Variants in GPATCH2 observed in about 807,000 individuals in gnomAD.
GPATCH2 encodes G-patch domain containing 2, also known as G patch domain-containing protein 2.
GPATCH2 carries 51 observed loss-of-function variants against 58.0 expected under a neutral mutation model. The observed-to-expected ratio is 0.88, with a 90% CI of 0.70 to 1.11. The LOEUF is 1.11. Among genes scored for constraint, GPATCH2 ranks in the 50% most tolerant of loss-of-function variants. The probability of loss-of-function intolerance (pLI) is 0.00; values close to 1 mark genes in which losing one functional copy is unlikely to be tolerated. For missense variants in GPATCH2, 625 were observed against 652.2 expected (o/e 0.96, Z 0.45); for synonymous variants, 222 against 218.5 (o/e 1.02, Z -0.14).
At chr1:217,525,093 T>G (rs955997859) in intron 5 of GPATCH2, among the ~76,000 whole-genome samples, 8 of 151,490 alleles carry the variant, frequency 5.3e-5, no homozygotes, top group Non-Finnish European at 1.2e-4. Flanking sequence ...TATACTCTAT[T>G]AAAAATTATT....
intron 9 of GPATCH2, among the ~76,000 whole-genome samples, chr1:217,434,490 C>T (rs1207795498): frequency 4.6e-5 from 7 of 152,084 alleles, no homozygotes; most frequent in Admixed American, 2.0e-4. Flanking sequence ...AGTGCCTTAG[C>T]GTGTTGTCTC....
At chr1:217,612,414 A>C (rs891358704) in intron 3 of GPATCH2, among the ~76,000 whole-genome samples, 2 of 152,198 alleles carry the variant, frequency 1.3e-5, no homozygotes, top group Non-Finnish European at 2.9e-5. Context: ...AAATACTCTT[A>C]AGCTTCAGTT....
chr1:217,437,692 C>G (rs1441265999), intron 9 of GPATCH2, among the ~76,000 whole-genome samples: 1 of 152,224 alleles, frequency 6.6e-6, no homozygotes, highest in East Asian at 1.9e-4. Context: ...GATTCCTCCT[C>G]TATGGGCAGG....
intron 9 of GPATCH2, among the ~76,000 whole-genome samples, chr1:217,445,625 C>T (rs265127): frequency 7.2e-5 from 11 of 151,896 alleles, no homozygotes; most frequent in South Asian, 2.1e-4. Context: ...CTTTGAATGA[C>T]GCAGAGAACA....
intron 5 of GPATCH2, among the ~76,000 whole-genome samples, chr1:217,587,389 A>G (rs1030490620): frequency 2.0e-5 from 3 of 152,170 alleles, no homozygotes; most frequent in Non-Finnish European, 4.4e-5. Flanking sequence ...ATATCCTACA[A>G]AATGACTACT....
intron 5 of GPATCH2, among the ~76,000 whole-genome samples, chr1:217,601,513 A>G (rs1290709080): frequency 6.6e-6 from 1 of 152,112 alleles, no homozygotes; most frequent in Non-Finnish European, 1.5e-5. Context: ...GCCTATCCAT[A>G]CTGACATTTA....
chr1:217,454,524 G>A (rs2102477435), intron 8 of GPATCH2, among the ~76,000 whole-genome samples: 1 of 139,078 alleles, frequency 7.2e-6, no homozygotes. Flanking sequence ...GGAAGGCAGA[G>A]CTTGCAGTGA....
intron 5 of GPATCH2, among the ~76,000 whole-genome samples, chr1:217,532,886 GTTTTT>G (rs57815648): frequency 3.5e-4 from 45 of 130,260 alleles, no homozygotes; most frequent in Non-Finnish European, 5.0e-4. Context: ...TCTTTTTTTT[GTTTTT>G]TTTTTTTTGT....
intron 5 of GPATCH2, among the ~76,000 whole-genome samples, chr1:217,584,330 T>TAAAAAAAA (rs1168175978): frequency 2.7e-4 from 24 of 89,742 alleles, no homozygotes; most frequent in African/African-American, 9.8e-4. Flanking sequence ...TCACCTCTAC[T>TAAAAAAAA]AAAAAAAAAA....
intron 5 of GPATCH2, among the ~76,000 whole-genome samples, chr1:217,542,123 T>C (rs1273170639): frequency 6.6e-6 from 1 of 152,218 alleles, no homozygotes; most frequent in African/African-American, 2.4e-5. Flanking sequence ...AATTTAAGCT[T>C]TGTTTCTTGA....
At chr1:217,471,845 T>C (rs751894694) in intron 8 of GPATCH2, among the ~76,000 whole-genome samples, 1 of 152,168 alleles carries the variant, frequency 6.6e-6, no homozygotes, top group African/African-American at 2.4e-5. Context: ...TATCAAATCA[T>C]TTGACATTAA....
At chr1:217,609,070 TAC>T in intron 5 of GPATCH2, 4 of 774,096 alleles carry the variant, frequency 5.2e-6, no homozygotes, top group Non-Finnish European at 4.7e-6. Context: ...AATATAAAAA[TAC>T]ACATATTAAA....
rs200676995 is a variant in GPATCH2 at position 217,431,167 on chromosome 1, G to A, written c.1565C>T (p.Pro522Leu). The A allele has an allele frequency of 3.9e-6, 6 of 1,550,014 alleles. No individual in the cohort carries two copies. The highest frequency in any genetic ancestry group is 1.8e-6 in the Non-Finnish European group (2 of 1,121,530). Residue 522 changes from proline to leucine, a missense_variant, in exon 10 of 10, where the codon CCC becomes CTC. Pro to Leu is a moderately conservative substitution (Grantham distance 98, BLOSUM62 -3). Transcript: ENST00000366935. Reference sequence around the variant, plus strand: ...TTCTTAGGCGGATTTTCCTGCATTGGGGGTAGTAGTTGCGGAAGTACTTTT... The same window carrying A: ...TTCTTAGGCGGATTTTCCTGCATTGAGGGTAGTAGTTGCGGAAGTACTTTT... ...LPKSTSATTT[P>L]NAGKSA is the part of the protein sequence containing the mutation.
intron 8 of GPATCH2, among the ~76,000 whole-genome samples, chr1:217,482,373 T>C (rs539169036): frequency 6.6e-6 from 1 of 152,226 alleles, no homozygotes; most frequent in East Asian, 1.9e-4. Context: ...CAGGGTATGA[T>C]GGTACTGGTG....
At chr1:217,467,110 G>T (rs1660493541) in intron 8 of GPATCH2, among the ~76,000 whole-genome samples, 1 of 152,234 alleles carries the variant, frequency 6.6e-6, no homozygotes. Context: ...CTGGGAGGCG[G>T]ATGTTGCAGT....
chr1:217,501,138 C>A (rs897962021), intron 6 of GPATCH2, among the ~76,000 whole-genome samples: 6 of 152,014 alleles, frequency 3.9e-5, no homozygotes, highest in Non-Finnish European at 7.4e-5. Flanking sequence ...ACCCACTAAC[C>A]CATTCTCTAT....
chr1:217,602,432 C>T (rs924370109), intron 5 of GPATCH2, among the ~76,000 whole-genome samples: 1 of 152,150 alleles, frequency 6.6e-6, no homozygotes, highest in African/African-American at 2.4e-5. Context: ...CTAAAAAGAT[C>T]AACCTCCTTT....
Position 217,431,254 on chromosome 1 carries a change from A to G in GPATCH2, c.1478T>C (p.Ile493Thr), listed in dbSNP as rs766291050. The change falls in exon 10 of 10, where the codon ATC (isoleucine) becomes ACC (threonine). Residue 493 changes from isoleucine to threonine, a missense_variant. Transcript: ENST00000366935. ...GSGLGRDGKG[I>T]SEPIQAMQRP... ...CTGCATGGCTTGAATTGGCTCAGAG[A>G]TCCCCTTGCCATCTCGTCCAAGGCC... The G allele has an allele frequency of 2.2e-5, 36 of 1,607,534 alleles. No individual in the cohort carries two copies. Among genetic ancestry groups the G allele is most frequent in the Non-Finnish European group, 3.0e-5 (35 of 1,174,124 alleles).
intron 7 of GPATCH2, among the ~76,000 whole-genome samples, chr1:217,494,006 T>C (rs1349521788): frequency 6.6e-6 from 1 of 152,162 alleles, no homozygotes; most frequent in Non-Finnish European, 1.5e-5. Context: ...AATGCAATTA[T>C]AAGGACCAAA....
Sources: allele counts gnomAD v4.1 joint callset (sites outside exome capture counted in the v4.1 genomes callset), GRCh38; gene constraint gnomAD v4.1.1; transcripts MANE v1.5; gene names NCBI Gene and HGNC (gene_info 2026-07-23, HGNC 2026-07-21).